MEIS2: variants seen among roughly 807,000 people sequenced by gnomAD.
The protein encoded by MEIS2 is homeobox protein Meis2.
In MEIS2, 9 loss-of-function variants were observed where a neutral mutation model predicts 58.6. The ratio of observed to expected loss-of-function variants is 0.15; its 90% CI spans 0.09 to 0.27. The LOEUF (loss-of-function observed/expected upper bound fraction) is 0.27. Ranked by LOEUF, MEIS2 falls within the 10% of genes least tolerant of loss-of-function variation. The pLI is 1.00. For synonymous variants in MEIS2, 221 were observed against 228.4 expected, an observed-to-expected ratio of 0.97 and a Z score of 0.29; for missense variants, 427 against 635.0, an observed-to-expected ratio of 0.67 and a Z score of 3.52.
At chr15:36,973,312 ACT>A (rs1490418918) in intron 8 of MEIS2, among the ~76,000 whole-genome samples, 1 of 152,124 alleles carries the variant, frequency 6.6e-6, no homozygotes, top group Non-Finnish European at 1.5e-5. Context: ...AAAGGCTTCT[ACT>A]CTCTGGTGTG....
At chr15:36,973,533 GT>G in intron 8 of MEIS2, among the ~76,000 whole-genome samples, 1 of 152,300 alleles carries the variant, frequency 6.6e-6, no homozygotes, top group East Asian at 1.9e-4. Flanking sequence ...CTTAGTAGGT[GT>G]TATAAAACAT....
At chr15:37,011,365 C>A (rs2141634371) in intron 8 of MEIS2, among the ~76,000 whole-genome samples, 1 of 152,128 alleles carries the variant, frequency 6.6e-6, no homozygotes, top group South Asian at 2.1e-4. Flanking sequence ...TTGAAATTTT[C>A]CAGGATAGTT....
At chr15:37,026,308 C>G (rs2061703542) in intron 8 of MEIS2, among the ~76,000 whole-genome samples, 1 of 152,058 alleles carries the variant, frequency 6.6e-6, no homozygotes, top group African/African-American at 2.4e-5. Context: ...TGTTTTTTGT[C>G]AGCGTACGAT....
chr15:36,920,986 A>G (rs1412981633), intron 9 of MEIS2, among the ~76,000 whole-genome samples: 1 of 151,188 alleles, frequency 6.6e-6, no homozygotes, highest in Non-Finnish European at 1.5e-5. Flanking sequence ...GGGCCAGGAA[A>G]AAACAAAAAC....
intron 10 of MEIS2, among the ~76,000 whole-genome samples, chr15:36,895,690 T>C (rs1251101751): frequency 6.6e-6 from 1 of 152,250 alleles, no homozygotes; most frequent in African/African-American, 2.4e-5. Flanking sequence ...CAAGGTTAAA[T>C]AGACTCAATT....
chr15:37,097,641 C>G (rs1894448691), intron 2 of MEIS2, among the ~76,000 whole-genome samples: 1 of 152,202 alleles, frequency 6.6e-6, no homozygotes. Context: ...GTTAGGGAGC[C>G]TGAAACGAGC....
At chr15:37,032,000 C>T (rs1051642132) in intron 8 of MEIS2, among the ~76,000 whole-genome samples, 2 of 151,950 alleles carry the variant, frequency 1.3e-5, no homozygotes, top group Non-Finnish European at 2.9e-5. Context: ...GCACCACACC[C>T]GGCTAAATTT....
chr15:36,923,484 C>T (rs1157297633), intron 9 of MEIS2, among the ~76,000 whole-genome samples: 3 of 152,176 alleles, frequency 2.0e-5, no homozygotes, highest in Non-Finnish European at 4.4e-5. Context: ...CAAGCTATCC[C>T]TGATGCCCCA....
intron 8 of MEIS2, among the ~76,000 whole-genome samples, chr15:37,018,738 A>G (rs1250560014): frequency 6.6e-6 from 1 of 152,224 alleles, no homozygotes; most frequent in Non-Finnish European, 1.5e-5. Context: ...ACAACAGAAG[A>G]AACTCATGAC....
chr15:37,084,365 A>G (rs1208856474), intron 6 of MEIS2, among the ~76,000 whole-genome samples: 1 of 152,168 alleles, frequency 6.6e-6, no homozygotes, highest in African/African-American at 2.4e-5. Flanking sequence ...AGGCTCCACA[A>G]TGTATGGGAC....
At chr15:36,989,907 G>T (rs983249111) in intron 8 of MEIS2, among the ~76,000 whole-genome samples, 5 of 152,106 alleles carry the variant, frequency 3.3e-5, no homozygotes, top group African/African-American at 7.2e-5. Context: ...TGAAGTGGGG[G>T]CATTGTATCT....
intron 7 of MEIS2, among the ~76,000 whole-genome samples, chr15:37,040,379 C>A (rs1380061858): frequency 3.3e-5 from 5 of 152,082 alleles, no homozygotes; most frequent in Admixed American, 3.3e-4. Context: ...TATGCAAGGG[C>A]CCTCCCCACT....
intron 8 of MEIS2, among the ~76,000 whole-genome samples, chr15:36,952,607 C>CTCTGTGTGTGTGTGTGTGTG (rs1490440825): frequency 4.5e-4 from 63 of 140,084 alleles, no homozygotes; most frequent in Non-Finnish European, 8.5e-4. Context: ...GTCTCTCTCT[C>CTCTGTGTGTGTGTGTGTGTG]TGTGTGTGTG....
intron 9 of MEIS2, 42 bp from the exon 10 acceptor site, chr15:36,896,728 T>C (rs1397406558): frequency 3.2e-6 from 5 of 1,540,510 alleles, no homozygotes; most frequent in East Asian, 2.2e-5. Flanking sequence ...ACTCCGTTTC[T>C]GTACTCTGCG....
intron 8 of MEIS2, among the ~76,000 whole-genome samples, chr15:36,968,974 C>G (rs1824583854): frequency 6.6e-6 from 1 of 152,192 alleles, no homozygotes; most frequent in Non-Finnish European, 1.5e-5. Context: ...TTCGCTTTCT[C>G]ATCTTGAAAC....
At chr15:37,037,830 A>C (rs1002933295) in intron 7 of MEIS2, among the ~76,000 whole-genome samples, 5 of 152,348 alleles carry the variant, frequency 3.3e-5, no homozygotes, top group Admixed American at 3.3e-4. Flanking sequence ...GGCATCAATC[A>C]AGAGCAGCAA....
intron 9 of MEIS2, among the ~76,000 whole-genome samples, chr15:36,931,953 A>G (rs1231586485): frequency 6.6e-6 from 1 of 152,226 alleles, no homozygotes; most frequent in Non-Finnish European, 1.5e-5. Context: ...AGGGACGCTA[A>G]GGTGGTGACA....
intron 7 of MEIS2, among the ~76,000 whole-genome samples, chr15:37,082,035 A>G (rs951960941): frequency 1.3e-5 from 2 of 152,040 alleles, no homozygotes; most frequent in Non-Finnish European, 2.9e-5. Flanking sequence ...CTTTCTTGCT[A>G]TCTCCCTTGC....
intron 9 of MEIS2, among the ~76,000 whole-genome samples, chr15:36,934,774 T>C (rs1297880651): frequency 6.6e-6 from 1 of 152,194 alleles, no homozygotes. Context: ...GCTAAATCAC[T>C]GGCAATTTTA....
Sources: allele counts gnomAD v4.1 joint callset (sites outside exome capture counted in the v4.1 genomes callset), GRCh38; gene constraint gnomAD v4.1.1; transcripts MANE v1.5; gene names NCBI Gene and HGNC (gene_info 2026-07-23, HGNC 2026-07-21).